DOK6: variants seen among roughly 807,000 people sequenced by gnomAD.
DOK6 encodes docking protein 6, also known as downstream of tyrosine kinase 6.
Under a neutral mutation model 44.0 loss-of-function variants are expected in DOK6, and 22 were observed. The observed-to-expected ratio is 0.50, with a 90% CI of 0.36 to 0.71. The LOEUF (loss-of-function observed/expected upper bound fraction) is 0.71. Ranked by LOEUF, DOK6 falls within the 30% of genes least tolerant of loss-of-function variation. DOK6 has a pLI of 0.00. For synonymous variants in DOK6, 166 were observed against 145.5 expected (o/e 1.14, Z -1.01); for missense variants, 340 against 416.4 (o/e 0.82, Z 1.60).
At chr18:69,672,804 A>G (rs1271815066) in intron 3 of DOK6, among the ~76,000 whole-genome samples, 1 of 152,194 alleles carries the variant, frequency 6.6e-6, no homozygotes, top group African/African-American at 2.4e-5. Context: ...TGAAAGCATC[A>G]TCAAAATGTC....
chr18:69,819,682 C>T (rs1268362291), intron 7 of DOK6, among the ~76,000 whole-genome samples: 2 of 152,090 alleles, frequency 1.3e-5, no homozygotes, highest in Admixed American at 6.6e-5. Flanking sequence ...TCCTCCTGCC[C>T]GTAGACCTTG....
intron 4 of DOK6, among the ~76,000 whole-genome samples, chr18:69,681,951 G>C (rs748800628): frequency 1.3e-5 from 2 of 152,168 alleles, no homozygotes; most frequent in Non-Finnish European, 2.9e-5. Context: ...ACCTCAGACT[G>C]CCATCTGGTT....
At chr18:69,778,774 A>G (rs1380969133) in intron 7 of DOK6, among the ~76,000 whole-genome samples, 1 of 152,202 alleles carries the variant, frequency 6.6e-6, no homozygotes, top group Non-Finnish European at 1.5e-5. Flanking sequence ...TTTTCATTTA[A>G]GAATATGAAG....
intron 4 of DOK6, among the ~76,000 whole-genome samples, chr18:69,695,357 A>G (rs1403202102): frequency 6.6e-6 from 1 of 152,232 alleles, no homozygotes; most frequent in Non-Finnish European, 1.5e-5. Flanking sequence ...AACCAGTGGT[A>G]TAGGAAATAA....
intron 4 of DOK6, among the ~76,000 whole-genome samples, chr18:69,687,002 C>T (rs1986168052): frequency 6.6e-6 from 1 of 151,982 alleles, no homozygotes; most frequent in Non-Finnish European, 1.5e-5. Context: ...AGAAATAATA[C>T]TAATGCTATG....
intron 3 of DOK6, among the ~76,000 whole-genome samples, chr18:69,602,514 T>C (rs1331967647): frequency 6.6e-6 from 1 of 152,204 alleles, no homozygotes; most frequent in Non-Finnish European, 1.5e-5. Context: ...TGATGGGATC[T>C]TGAAACCAAA....
At chr18:69,515,664 T>G (rs557364211) in intron 1 of DOK6, among the ~76,000 whole-genome samples, 1 of 152,228 alleles carries the variant, frequency 6.6e-6, no homozygotes, top group Non-Finnish European at 1.5e-5. Flanking sequence ...GAGAAAACTA[T>G]GAAGAAGTAA....
At chr18:69,737,092 T>A (rs1392608660) in intron 5 of DOK6, among the ~76,000 whole-genome samples, 3 of 152,302 alleles carry the variant, frequency 2.0e-5, no homozygotes, top group Admixed American at 6.5e-5. Context: ...TATGAAACAG[T>A]CTATCTGTTC....
chr18:69,652,689 C>T (rs916399170), intron 3 of DOK6, among the ~76,000 whole-genome samples: 7 of 152,106 alleles, frequency 4.6e-5, no homozygotes, highest in Admixed American at 4.6e-4. Context: ...TGTTTGGGTT[C>T]TCAGGGACAC....
intron 1 of DOK6, among the ~76,000 whole-genome samples, chr18:69,481,817 G>A (rs1176196461): frequency 1.3e-5 from 2 of 152,152 alleles, no homozygotes; most frequent in Admixed American, 6.5e-5. Flanking sequence ...CACAATGGTT[G>A]AACTAGTTTA....
At chr18:69,500,186 C>A (rs1018158914) in intron 1 of DOK6, among the ~76,000 whole-genome samples, 1 of 152,128 alleles carries the variant, frequency 6.6e-6, no homozygotes, top group East Asian at 1.9e-4. Flanking sequence ...CTACTATTTT[C>A]CACCAACATA....
chr18:69,714,038 G>A (rs1006919179), intron 5 of DOK6, among the ~76,000 whole-genome samples: 1 of 152,130 alleles, frequency 6.6e-6, no homozygotes, highest in African/African-American at 2.4e-5. Flanking sequence ...CCTCCAGCGG[G>A]ACAGGAGGTG....
intron 3 of DOK6, among the ~76,000 whole-genome samples, chr18:69,634,675 A>G (rs1984762722): frequency 6.6e-6 from 1 of 152,190 alleles, no homozygotes; most frequent in African/African-American, 2.4e-5. Flanking sequence ...GACTTAGAGA[A>G]ATGAACAAGA....
At chr18:69,670,961 C>A (rs1227188162) in intron 3 of DOK6, among the ~76,000 whole-genome samples, 2 of 152,064 alleles carry the variant, frequency 1.3e-5, no homozygotes, top group Admixed American at 6.6e-5. Context: ...CAATTCCCAT[C>A]TTTGCCTCCC....
At chr18:69,458,576 C>G (rs182220172) in intron 1 of DOK6, among the ~76,000 whole-genome samples, 2 of 152,216 alleles carry the variant, frequency 1.3e-5, no homozygotes, top group African/African-American at 4.8e-5. Context: ...AAAAGGAATC[C>G]AAATATGAAA....
At chr18:69,605,873 A>T (rs946876069) in intron 3 of DOK6, among the ~76,000 whole-genome samples, 1 of 152,194 alleles carries the variant, frequency 6.6e-6, no homozygotes, top group Non-Finnish European at 1.5e-5. Flanking sequence ...CAGTTCTGGA[A>T]GCTCTGTTGC....
chr18:69,687,021 T>C (rs1008825207), intron 4 of DOK6, among the ~76,000 whole-genome samples: 1 of 152,104 alleles, frequency 6.6e-6, no homozygotes, highest in Non-Finnish European at 1.5e-5. Flanking sequence ...TGCAAAACTA[T>C]TCAGAAAAAA....
intron 1 of DOK6, among the ~76,000 whole-genome samples, chr18:69,407,079 C>T (rs1386548026): frequency 6.6e-6 from 1 of 151,874 alleles, no homozygotes; most frequent in African/African-American, 2.4e-5. Context: ...GAAACTCCAT[C>T]TAAAAAAAAA....
At chr18:69,659,801 T>TC (rs1308025581) in intron 3 of DOK6, 1 of 145,984 alleles carries the variant, frequency 6.9e-6, no homozygotes, top group African/African-American at 2.5e-5. Flanking sequence ...CCTGGTGGTT[T>TC]TTTTTTCTGC....
Sources: allele counts gnomAD v4.1 joint callset (sites outside exome capture counted in the v4.1 genomes callset), GRCh38; gene constraint gnomAD v4.1.1; transcripts MANE v1.5; gene names NCBI Gene and HGNC (gene_info 2026-07-23, HGNC 2026-07-21).